SESTD1: variants seen among roughly 807,000 people sequenced by gnomAD.
SESTD1 encodes the protein SEC14 domain and spectrin repeat-containing protein 1.
Under a neutral mutation model 101.7 loss-of-function variants are expected in SESTD1, and 43 were observed. The observed-to-expected ratio is 0.42, with a 90% confidence interval of 0.33 to 0.55. The LOEUF is 0.55. Among genes scored for constraint, SESTD1 ranks in the 20% least tolerant of loss-of-function variants. The pLI, the probability that SESTD1 is intolerant of heterozygous loss-of-function variation, is 0.07. For missense variants in SESTD1, 647 were observed against 815.1 expected (o/e 0.79, Z 2.51); for synonymous variants, 283 against 286.8 (o/e 0.99, Z 0.13).
At chr2:179,197,604 A>G (rs1410524977) in intron 1 of SESTD1, among the ~76,000 whole-genome samples, 3 of 152,240 alleles carry the variant, frequency 2.0e-5, no homozygotes, top group South Asian at 2.1e-4. Context: ...GACTAACAGC[A>G]GATCTCTCTG....
chr2:179,162,972 C>T (rs1186381973), intron 5 of SESTD1, among the ~76,000 whole-genome samples: 3 of 142,322 alleles, frequency 2.1e-5, no homozygotes, highest in Non-Finnish European at 4.5e-5. Flanking sequence ...GCCTGGGCAA[C>T]AGAGCAAGAC....
chr2:179,184,649 A>G (rs1002909305), intron 2 of SESTD1, among the ~76,000 whole-genome samples: 10 of 152,162 alleles, frequency 6.6e-5, no homozygotes, highest in Non-Finnish European at 1.3e-4. Flanking sequence ...CTATTACTAA[A>G]AAAGTTTGAA....
intron 15 of SESTD1, 138 bp downstream of exon 15, chr2:179,116,530 A>C: frequency 7.3e-7 from 1 of 1,378,608 alleles, no homozygotes; most frequent in African/African-American, 1.4e-5. Context: ...GCACCAGCTG[A>C]CATTTTCTTA....
rs1359614354 is a variant in SESTD1 at position 179,200,855 on chromosome 2, G to C, written c.-25-8989C>G. On this transcript the variant is annotated intron_variant, in intron 1 of 17. Coordinates refer to ENST00000428443, the MANE Select transcript of SESTD1 (RefSeq NM_178123.5). Reference sequence around the variant, plus strand: ...CCTAGGCATTACCATTCAGGACATAGGCATGGGCAAGGACTTCATGTCTAA... The same window carrying C: ...CCTAGGCATTACCATTCAGGACATACGCATGGGCAAGGACTTCATGTCTAA... Among the ~76,000 whole-genome samples the C allele has an allele frequency of 7.5e-5, 10 of 134,132 alleles. 2 individuals carry two copies. The highest frequency in any genetic ancestry group is 1.1e-4 in the Non-Finnish European group (7 of 62,678). 88.0% of individuals were successfully genotyped at this position (134,132 alleles called of 152,430 possible).
At chr2:179,187,794 A>G (rs1440302791) in intron 2 of SESTD1, among the ~76,000 whole-genome samples, 1 of 152,218 alleles carries the variant, frequency 6.6e-6, no homozygotes, top group Non-Finnish European at 1.5e-5. Flanking sequence ...CATATCAGAA[A>G]AAACAGACTT....
intron 1 of SESTD1, among the ~76,000 whole-genome samples, chr2:179,196,202 A>G (rs891647470): frequency 2.6e-5 from 4 of 152,208 alleles, no homozygotes; most frequent in African/African-American, 9.7e-5. Context: ...GACAGATGGC[A>G]CCTGGAAAAT....
At chr2:179,237,768 G>A (rs982798415) in intron 1 of SESTD1, among the ~76,000 whole-genome samples, 2 of 152,142 alleles carry the variant, frequency 1.3e-5, no homozygotes, top group Non-Finnish European at 2.9e-5. Context: ...TTTGAGTACA[G>A]AGACTTGCCC....
At chr2:179,191,448 A>G (rs2046318472) in intron 2 of SESTD1, among the ~76,000 whole-genome samples, 1 of 152,140 alleles carries the variant, frequency 6.6e-6, no homozygotes, top group Non-Finnish European at 1.5e-5. Context: ...AGAGAAGGGG[A>G]AAAGGGCTGA....
At chr2:179,113,932 G>GTGAT (rs780768963) in intron 16 of SESTD1, among the ~76,000 whole-genome samples, 9 of 151,684 alleles carry the variant, frequency 5.9e-5, no homozygotes, top group African/African-American at 2.2e-4. Flanking sequence ...TGACAGTGAG[G>GTGAT]TGATTGGGGG....
intron 1 of SESTD1, among the ~76,000 whole-genome samples, chr2:179,234,901 G>C (rs747444737): frequency 1.3e-5 from 2 of 150,870 alleles, no homozygotes; most frequent in South Asian, 2.1e-4. Context: ...TTGAGGCCAG[G>C]AGTTCAAGGC....
intron 10 of SESTD1, among the ~76,000 whole-genome samples, chr2:179,125,284 C>T (rs1420931692): frequency 2.6e-5 from 4 of 152,186 alleles, no homozygotes; most frequent in Non-Finnish European, 4.4e-5. Flanking sequence ...CCCATGGAAT[C>T]CACCAATCTA....
At chr2:179,112,180 T>C (rs2044525719) in intron 17 of SESTD1, among the ~76,000 whole-genome samples, 1 of 152,218 alleles carries the variant, frequency 6.6e-6, no homozygotes, top group East Asian at 1.9e-4. Flanking sequence ...GGGAATGGGT[T>C]TGGAGCCACA....
intron 1 of SESTD1, among the ~76,000 whole-genome samples, chr2:179,223,620 C>T (rs955188431): frequency 5.3e-5 from 8 of 151,748 alleles, no homozygotes; most frequent in African/African-American, 1.9e-4. Flanking sequence ...GCAATTTATC[C>T]CCAAGTGGTA....
At chr2:179,173,332 C>A (rs969341024) in intron 4 of SESTD1, among the ~76,000 whole-genome samples, 1 of 152,098 alleles carries the variant, frequency 6.6e-6, no homozygotes, top group East Asian at 1.9e-4. Context: ...TGGGCTGTTA[C>A]GTTTGCTTAA....
chr2:179,187,560 G>A (rs532859521), intron 2 of SESTD1, among the ~76,000 whole-genome samples: 1 of 152,338 alleles, frequency 6.6e-6, no homozygotes, highest in African/African-American at 2.4e-5. Context: ...CTTGGGCCCA[G>A]GAGGTCAAGG....
intron 1 of SESTD1, among the ~76,000 whole-genome samples, chr2:179,192,474 C>A (rs2046332743): frequency 6.6e-6 from 1 of 152,158 alleles, no homozygotes; most frequent in South Asian, 2.1e-4. Context: ...TTAACTGCCT[C>A]CATCTCTCTA....
chr2:179,223,589 A>G (rs1315876806), intron 1 of SESTD1, among the ~76,000 whole-genome samples: 1 of 152,192 alleles, frequency 6.6e-6, no homozygotes, highest in Non-Finnish European at 1.5e-5. Flanking sequence ...GAAAGTCTGT[A>G]AAATGAACTG....
intron 1 of SESTD1, among the ~76,000 whole-genome samples, chr2:179,224,037 G>C (rs2046849273): frequency 6.6e-6 from 1 of 152,130 alleles, no homozygotes; most frequent in Non-Finnish European, 1.5e-5. Flanking sequence ...GGATAAATGT[G>C]CCTATGGATT....
chr2:179,198,962 A>G (rs1370694848), intron 1 of SESTD1, among the ~76,000 whole-genome samples: 8 of 152,312 alleles, frequency 5.3e-5, no homozygotes, highest in African/African-American at 1.2e-4. Flanking sequence ...AATCGGAGTT[A>G]AACTGAAGGA....
Sources: gnomAD v4.1 joint callset for allele counts (sites outside exome capture counted in the v4.1 genomes callset) on GRCh38, gnomAD v4.1.1 for gene constraint, MANE v1.5 for transcripts, NCBI Gene and HGNC (gene_info 2026-07-23, HGNC 2026-07-21) for gene names.